The following GALNTL6 variants were observed in gnomAD, a reference collection of about 807,000 sequenced individuals.
GALNTL6 encodes polypeptide N-acetylgalactosaminyltransferase like 6.
In GALNTL6, 46 loss-of-function variants were observed where a neutral mutation model predicts 73.7. The ratio of observed to expected loss-of-function variants is 0.62; its 90% CI spans 0.49 to 0.80. The LOEUF (loss-of-function observed/expected upper bound fraction) is 0.80, where lower values mean the gene tolerates loss of function less well. Among genes scored for constraint, GALNTL6 ranks in the 30% least tolerant of loss-of-function variants. The pLI is 0.00. For synonymous variants in GALNTL6, 259 were observed against 263.7 expected, an observed-to-expected ratio of 0.98 and a Z score of 0.17; for missense variants, 604 against 755.0, an observed-to-expected ratio of 0.80 and a Z score of 2.34.
At chr4:172,866,506 T>G (rs1744670998) in intron 7 of GALNTL6, among the ~76,000 whole-genome samples, 1 of 152,216 alleles carries the variant, frequency 6.6e-6, no homozygotes, top group Non-Finnish European at 1.5e-5. Context: ...AGTTAAAACA[T>G]GCAAAGCACT....
chr4:172,477,110 A>T (rs371656750), intron 5 of GALNTL6, among the ~76,000 whole-genome samples: 2 of 151,668 alleles, frequency 1.3e-5, no homozygotes, highest in South Asian at 2.1e-4. Context: ...TATTTTTACT[A>T]GAGATGGGGT....
At chr4:171,991,281 G>A (rs1214984735) in intron 2 of GALNTL6, among the ~76,000 whole-genome samples, 1 of 152,094 alleles carries the variant, frequency 6.6e-6, no homozygotes, top group Non-Finnish European at 1.5e-5. Flanking sequence ...GTATGAATAG[G>A]AAGGTGTTAA....
chr4:172,750,276 A>G (rs529011301), intron 5 of GALNTL6, among the ~76,000 whole-genome samples: 1 of 152,332 alleles, frequency 6.6e-6, no homozygotes, highest in Non-Finnish European at 1.5e-5. Flanking sequence ...CAAGGAAAAA[A>G]TGTGAAGCAA....
Position 172,175,605 on chromosome 4 carries a change from G to C in GALNTL6, c.139-54051G>C, listed in dbSNP as rs149257087. On this transcript the variant is annotated intron_variant, in intron 2 of 12. Coordinates refer to ENST00000506823, the MANE Select transcript of GALNTL6 (RefSeq NM_001034845.3). ...ATTTTGGGGAAGAATGTGTGGCTAGGCATGAAGGATATTAACAATGCTAAG... is the reference window on the plus strand; with the variant it reads ...ATTTTGGGGAAGAATGTGTGGCTAGCCATGAAGGATATTAACAATGCTAAG... 5.5e-3 allele frequency among the ~76,000 whole-genome samples: 833 copies of C among 152,290 alleles called. 5 individuals carry two copies. The highest frequency in any genetic ancestry group is 0.014 in the Middle Eastern group (4 of 294).
chr4:172,008,465 T>C (rs958759837), intron 2 of GALNTL6, among the ~76,000 whole-genome samples: 8 of 152,108 alleles, frequency 5.3e-5, no homozygotes, highest in Non-Finnish European at 1.2e-4. Flanking sequence ...CTTTCTTTTT[T>C]TTTTAATTTA....
intron 2 of GALNTL6, among the ~76,000 whole-genome samples, chr4:171,932,029 A>G (rs1456413082): frequency 2.0e-5 from 3 of 152,186 alleles, no homozygotes; most frequent in Non-Finnish European, 2.9e-5. Flanking sequence ...TTATAGAGTG[A>G]TGTTTTTCAT....
At chr4:171,859,391 C>T (rs780560803) in intron 2 of GALNTL6, among the ~76,000 whole-genome samples, 22 of 152,072 alleles carry the variant, frequency 1.4e-4, no homozygotes, top group Non-Finnish European at 2.4e-4. Context: ...ACAATCTTCA[C>T]TCATCCATGA....
chr4:172,048,929 G>A (rs986747637), intron 2 of GALNTL6, among the ~76,000 whole-genome samples: 10 of 152,096 alleles, frequency 6.6e-5, no homozygotes, highest in African/African-American at 2.4e-4. Context: ...GTTTGAAAGA[G>A]CCAAGCTATA....
chr4:172,739,369 G>A (rs1348840510), intron 5 of GALNTL6, among the ~76,000 whole-genome samples: 1 of 152,168 alleles, frequency 6.6e-6, no homozygotes, highest in East Asian at 1.9e-4. Flanking sequence ...AGGACAGGAA[G>A]TTCATGCTCA....
At chr4:172,372,811 A>G (rs972767759) in intron 5 of GALNTL6, among the ~76,000 whole-genome samples, 5 of 151,970 alleles carry the variant, frequency 3.3e-5, no homozygotes, top group Non-Finnish European at 7.4e-5. Flanking sequence ...GTATCCGGGG[A>G]TCCATAGTCG....
intron 5 of GALNTL6, among the ~76,000 whole-genome samples, chr4:172,617,234 C>A (rs908385472): frequency 1.3e-5 from 2 of 151,562 alleles, no homozygotes; most frequent in African/African-American, 4.8e-5. Flanking sequence ...AAATATGGTG[C>A]ATATTTTTAA....
intron 10 of GALNTL6, among the ~76,000 whole-genome samples, chr4:173,006,735 T>C (rs749383251): frequency 1.1e-4 from 16 of 152,026 alleles, no homozygotes; most frequent in Non-Finnish European, 1.9e-4. Context: ...TCCCAAGGGG[T>C]CAGGGCAGGC....
At chr4:171,961,979 T>G (rs1739231921) in intron 2 of GALNTL6, among the ~76,000 whole-genome samples, 1 of 152,232 alleles carries the variant, frequency 6.6e-6, no homozygotes, top group Non-Finnish European at 1.5e-5. Context: ...TTACTCAATG[T>G]ACTCTTAAAT....
At position 172,250,344 on chromosome 4, in the gene GALNTL6, T is replaced by G. The variant is rs370058982; in HGVS notation, c.247+20580T>G. Among the ~76,000 whole-genome samples the G allele has an allele frequency of 3.8e-3, 586 of 152,314 alleles. 2 individuals carry two copies. The highest frequency in any genetic ancestry group is 0.013 in the African/African-American group (552 of 41,576). Reference sequence around the variant, plus strand: ...GCTCATAGGCAGAAGGGACTTGCCTTGACTCAGATGAAACCTTGGACTTGG... The same window carrying G: ...GCTCATAGGCAGAAGGGACTTGCCTGGACTCAGATGAAACCTTGGACTTGG... On this transcript the variant is annotated intron_variant, in intron 3 of 12. Transcript: ENST00000506823.
At position 172,771,540 on chromosome 4, in the gene GALNTL6, T is replaced by C. The variant is rs568458022; in HGVS notation, c.554-37821T>C. Among the ~76,000 whole-genome samples, 17 of 152,348 alleles carry C rather than the reference T, an allele frequency of 1.1e-4. No individual in the cohort carries two copies. In the South Asian group the frequency reaches 3.3e-3, roughly 30 times the overall value. ...ATTTCACATTGTTAACTGACTTGTA[T>C]GGAAGACTTTGATTTCCTGTGTGAT... On this transcript the variant is annotated intron_variant, in intron 5 of 12. Transcript: ENST00000506823.
At chr4:172,568,267 A>C (rs917692148) in intron 5 of GALNTL6, among the ~76,000 whole-genome samples, 16 of 152,088 alleles carry the variant, frequency 1.1e-4, no homozygotes, top group African/African-American at 3.9e-4. Flanking sequence ...ATAAACTCAC[A>C]TGGAATGCTT....
chr4:172,348,443 T>A, intron 4 of GALNTL6, 80 bp from the exon 5 acceptor site: 1 of 1,161,214 alleles, frequency 8.6e-7, no homozygotes, highest in Non-Finnish European at 1.2e-6. Context: ...AGTTGTCTGA[T>A]AACATAATGA....
intron 2 of GALNTL6, among the ~76,000 whole-genome samples, chr4:172,074,985 C>T (rs1049482617): frequency 6.6e-6 from 1 of 152,094 alleles, no homozygotes; most frequent in African/African-American, 2.4e-5. Flanking sequence ...TTGTTTATAA[C>T]AATAATGTTC....
intron 2 of GALNTL6, among the ~76,000 whole-genome samples, chr4:171,909,137 A>G (rs1024758647): frequency 6.9e-6 from 1 of 144,964 alleles, no homozygotes; most frequent in African/African-American, 2.6e-5. Context: ...TAAAACTTAA[A>G]GTATAATAAT....
Sources: gnomAD v4.1 joint callset for allele counts (sites outside exome capture counted in the v4.1 genomes callset) on GRCh38, gnomAD v4.1.1 for gene constraint, MANE v1.5 for transcripts, NCBI Gene and HGNC (gene_info 2026-07-23, HGNC 2026-07-21) for gene names.